PDZD7: variants seen among roughly 807,000 people sequenced by gnomAD.
PDZD7 encodes PDZ domain containing 7, also known as PDZ domain-containing protein 7.
PDZD7 carries 72 observed loss-of-function variants against 84.7 expected under a neutral mutation model. The ratio of observed to expected loss-of-function variants is 0.85; its 90% CI spans 0.70 to 1.03. The LOEUF (loss-of-function observed/expected upper bound fraction) is 1.03, where lower values mean the gene tolerates loss of function less well. PDZD7 is among the 50% of genes least tolerant of loss of function. The probability of loss-of-function intolerance (pLI) is 0.00; values close to 1 mark genes in which losing one functional copy is unlikely to be tolerated. For synonymous variants in PDZD7, 594 were observed against 580.7 expected, an observed-to-expected ratio of 1.02 and a Z score of -0.33; for missense variants, 1,490 against 1,412.9, an observed-to-expected ratio of 1.05 and a Z score of -0.87.
Position 101,016,377 on chromosome 10 carries a change from C to T in PDZD7, c.1573G>A (p.Asp525Asn). 6.4e-7 allele frequency: 1 copy of T among 1,550,676 alleles called. No homozygotes were observed. Among genetic ancestry groups the T allele is most frequent in the Non-Finnish European group, 8.7e-7 (1 of 1,147,004 alleles). The change falls in exon 10 of 17, where the codon GAC becomes AAC. Residue 525 changes from aspartate (D) to asparagine (N), a missense_variant and splice_region_variant. Physicochemically the swap from Asp to Asn is conservative, Grantham distance 23 (BLOSUM62 1). Transcript: ENST00000619208. ...CTTGGTAAAGGGATGCATGAATTAC[C>T]ACGTCTCAGTCTCCAGGTGACAAAC... is the stretch of plus-strand genomic sequence containing the variant. The part of the protein sequence containing the change: ...QKFVTWRLRR[D>N]QERGRALLSA...
intron 11 of PDZD7, among the ~76,000 whole-genome samples, chr10:101,013,174 C>T (rs748902986): frequency 6.6e-6 from 1 of 152,236 alleles, no homozygotes; most frequent in Non-Finnish European, 1.5e-5. Context: ...GTTACAGCGA[C>T]TCACACATAC....
At chr10:101,026,138 ATT>A (rs1272762075) in intron 2 of PDZD7, among the ~76,000 whole-genome samples, 2 of 145,134 alleles carry the variant, frequency 1.4e-5, no homozygotes, top group Admixed American at 6.9e-5. Context: ...TCGGGGAAGA[ATT>A]TTTTTTTTTT....
rs1452026886 is a variant in PDZD7, at chr10:101,009,192, C to CCT, written c.2718+56_2718+57dup. On this transcript the variant is annotated intron_variant, in intron 16 of 16. Transcript: ENST00000619208. ...TGGAAGCTGAGCATGGCCAGCCCCA[C>CCT]CTCCTGCCTGGTTTCAGCTGTGCTC... 33 of 1,431,936 alleles carry CCT rather than the reference C, an allele frequency of 2.3e-5. No individual in the cohort carries two copies. In the African/African-American group the frequency reaches 4.2e-4, roughly 18 times the overall value. 88.7% of individuals were successfully genotyped at this position (1,431,936 alleles called of 1,614,324 possible). A position where few individuals can be genotyped will look rare whatever the true frequency, so the allele number is the denominator to read the frequency against.
At chr10:101,011,666 C>T in intron 14 of PDZD7, 24 bp downstream of exon 14, 6 of 1,536,772 alleles carry the variant, frequency 3.9e-6, no homozygotes, top group Non-Finnish European at 5.2e-6. Context: ...GTGCCCCTCC[C>T]TGGGCTCTGG....
chr10:101,027,189 A>C (rs1937762935), intron 2 of PDZD7, among the ~76,000 whole-genome samples: 1 of 151,752 alleles, frequency 6.6e-6, no homozygotes, highest in African/African-American at 2.4e-5. Context: ...TGCTTCTAGA[A>C]CTCCAGTCTC....
chr10:101,026,996 T>C (rs1937750997), intron 2 of PDZD7, among the ~76,000 whole-genome samples: 1 of 152,130 alleles, frequency 6.6e-6, no homozygotes, highest in African/African-American at 2.4e-5. Flanking sequence ...GCCTGAGCCC[T>C]GCAAGGATGG....
chr10:101,026,358 C>T (rs1021208510), intron 2 of PDZD7, among the ~76,000 whole-genome samples: 1 of 151,988 alleles, frequency 6.6e-6, no homozygotes, highest in African/African-American at 2.4e-5. Flanking sequence ...TGGTCTCGAA[C>T]TCCTAACCTC....
intron 3 of PDZD7, 36 bp from the exon 4 acceptor site, chr10:101,023,646 C>T (rs1342703977): frequency 5.0e-6 from 8 of 1,605,864 alleles, no homozygotes; most frequent in Non-Finnish European, 6.8e-6. Context: ...GCATGGGTCC[C>T]CAGGGTGGGG....
chr10:101,020,209 G>A (rs1038475968), intron 7 of PDZD7, among the ~76,000 whole-genome samples: 2 of 152,160 alleles, frequency 1.3e-5, no homozygotes, highest in African/African-American at 4.8e-5. Flanking sequence ...CTGGGTTCAA[G>A]CAATTCTCCT....
chr10:101,018,865 G>A lies in PDZD7; in HGVS notation c.1281C>T (p.Pro427=). ...KTALLLALSR[P]RPPITRSQSY... ...TCTGGGAGCGCGTGATGGGGGGCCG[G>A]GGTCGGCTGAGGGCCAGCAGCAAAG... Residue 427 remains proline (P), a synonymous_variant, in exon 8 of 17, where the codon CCC becomes CCT. Coordinates refer to ENST00000619208, the MANE Select transcript of PDZD7 (RefSeq NM_001195263.2). 1 of 1,603,514 alleles carries A rather than the reference G, an allele frequency of 6.2e-7. No individual in the cohort carries two copies. The highest frequency in any genetic ancestry group is 8.5e-7 in the Non-Finnish European group (1 of 1,175,050).
In PDZD7 at chr10:101,010,449, T is replaced by A. The variant is rs1852354094; in HGVS notation, c.2440A>T (p.Lys814Ter). The A allele has an allele frequency of 2.0e-6, 3 of 1,535,812 alleles. No individual in the cohort carries two copies. In the South Asian group the frequency reaches 3.6e-5, roughly 18 times the overall value. Residue 814 changes from lysine to a stop codon, truncating the protein, a stop_gained, in exon 15 of 17, where the codon AAG (lysine) becomes TAG (stop). Transcript: ENST00000619208. LOFTEE classifies it high-confidence loss of function. ...AGAGGGGGTCTGGCCTTCCGAGGCTTGTGGTAGCGCCCATTGGTCATGCTG... is the reference window on the plus strand; with the variant it reads ...AGAGGGGGTCTGGCCTTCCGAGGCTAGTGGTAGCGCCCATTGGTCATGCTG... Reference protein sequence around the residue: ...APSMTNGRYHKPRKARPPLPR... With the variant: ...APSMTNGRYH
At chr10:101,024,106 TTG>T in intron 2 of PDZD7, 38 bp from the exon 3 acceptor site, 1 of 1,614,104 alleles carries the variant, frequency 6.2e-7, no homozygotes, top group Non-Finnish European at 8.5e-7. Context: ...CCCATGTTCA[TTG>T]TGGGCACAGA....
Position 101,018,992 on chromosome 10 carries a change from C to T in PDZD7, c.1154G>A (p.Ser385Asn). The change falls in exon 8 of 17, where the codon AGC becomes AAC. Residue 385 changes from serine to asparagine, a missense_variant. Physicochemically the swap from Ser to Asn is conservative, Grantham distance 46 (BLOSUM62 1). Transcript: ENST00000619208. Reference protein sequence around the residue: ...DAGGRVETWCSVRPTVILRDT... With the variant: ...DAGGRVETWCNVRPTVILRDT... ...CCTGAGGATGACTGTGGGCCGCACG[C>T]TGCACCAGGTCTCCACCCGGCCTCC... 6.3e-7 allele frequency: 1 copy of T among 1,582,208 alleles called. No individual in the cohort carries two copies. The highest frequency in any genetic ancestry group is 8.6e-7 in the Non-Finnish European group (1 of 1,165,628).
chr10:101,012,048 A>C, intron 12 of PDZD7, 32 bp from the exon 13 acceptor site: 1 of 1,543,244 alleles, frequency 6.5e-7, no homozygotes, highest in Non-Finnish European at 8.8e-7. Context: ...CAGGGGTGGG[A>C]GGGGCAGGCA....
intron 11 of PDZD7, among the ~76,000 whole-genome samples, chr10:101,012,859 G>T (rs1252464340): frequency 1.3e-5 from 2 of 152,196 alleles, no homozygotes; most frequent in African/African-American, 2.4e-5. Context: ...CTTGGGGAAG[G>T]GCCTCTCCAA....
At chr10:101,026,663 TCACACA>T (rs3051194) in intron 2 of PDZD7, among the ~76,000 whole-genome samples, 27,515 of 123,626 alleles carry the variant, frequency 0.22, 3,289 homozygotes, top group East Asian at 0.31. Flanking sequence ...CAGGGAGAAA[TCACACA>T]CACACACACA....
At chr10:101,009,599 C>CTTTTTTTTTTTTTTTTTTTTTTTT (rs142806278) in intron 15 of PDZD7, among the ~76,000 whole-genome samples, 2 of 62,234 alleles carry the variant, frequency 3.2e-5, no homozygotes, top group Non-Finnish European at 5.3e-5. Context: ...GAGACAGAGT[C>CTTTTTTTTTTTTTTTTTTTTTTTT]TTTTTTTTTT....
At chr10:101,024,469 C>G (rs1937595629) in intron 2 of PDZD7, among the ~76,000 whole-genome samples, 3 of 152,150 alleles carry the variant, frequency 2.0e-5, no homozygotes, top group African/African-American at 7.2e-5. Context: ...GCCCAAATCC[C>G]TGGCCTCAAG....
intron 2 of PDZD7, among the ~76,000 whole-genome samples, chr10:101,024,815 T>C (rs1937608106): frequency 7.1e-6 from 1 of 140,210 alleles, no homozygotes; most frequent in African/African-American, 2.8e-5. Context: ...AAAAAGATAC[T>C]GTTCTCCTTC....
Sources: allele counts gnomAD v4.1 joint callset (sites outside exome capture counted in the v4.1 genomes callset), GRCh38; gene constraint gnomAD v4.1.1; transcripts MANE v1.5; gene names NCBI Gene and HGNC (gene_info 2026-07-23, HGNC 2026-07-21).